MCMDC2: variants seen among roughly 807,000 people sequenced by gnomAD.
The protein encoded by MCMDC2 is minichromosome maintenance domain containing 2.
In MCMDC2, 54 loss-of-function variants were observed where a neutral mutation model predicts 75.8. The observed-to-expected ratio is 0.71, with a 90% CI of 0.57 to 0.89. MCMDC2 has a LOEUF of 0.89. MCMDC2 is among the 40% of genes least tolerant of loss of function. The probability of loss-of-function intolerance (pLI) is 0.00; values close to 1 mark genes in which losing one functional copy is unlikely to be tolerated. For synonymous variants in MCMDC2, 249 were observed against 274.6 expected, an observed-to-expected ratio of 0.91 and a Z score of 0.92; for missense variants, 656 against 780.4, an observed-to-expected ratio of 0.84 and a Z score of 1.90.
intron 4 of MCMDC2, among the ~76,000 whole-genome samples, chr8:66,874,975 C>G (rs767480872): frequency 6.6e-6 from 1 of 152,040 alleles, no homozygotes; most frequent in Non-Finnish European, 1.5e-5. Context: ...AGGCTGATCT[C>G]GAACTCCTGA....
chr8:66,895,170 A>T (rs1231318227), intron 10 of MCMDC2, among the ~76,000 whole-genome samples: 1 of 152,164 alleles, frequency 6.6e-6, no homozygotes, highest in African/African-American at 2.4e-5. Flanking sequence ...ATACAATGTA[A>T]ATGCTTTGCA....
intron 12 of MCMDC2, 126 bp from the exon 13 acceptor site, chr8:66,901,080 C>T (rs1032088001): frequency 3.0e-6 from 2 of 676,510 alleles, no homozygotes; most frequent in African/African-American, 3.6e-5. Flanking sequence ...TGGCCCCAGA[C>T]ATTTACTCTT....
chr8:66,889,865 GACAA>G (rs1812018926), intron 9 of MCMDC2, among the ~76,000 whole-genome samples: 1 of 150,522 alleles, frequency 6.6e-6, no homozygotes, highest in Non-Finnish European at 1.5e-5. Flanking sequence ...AGAAAACAAA[GACAA>G]ACAAAAAACC....
intron 14 of MCMDC2, among the ~76,000 whole-genome samples, chr8:66,908,180 T>C (rs1812977360): frequency 1.3e-5 from 2 of 152,244 alleles, no homozygotes; most frequent in East Asian, 3.8e-4. Flanking sequence ...CTAGGTTTTC[T>C]TCTAGGGTTT....
At chr8:66,876,693 C>T (rs1200587142) in intron 4 of MCMDC2, among the ~76,000 whole-genome samples, 2 of 152,080 alleles carry the variant, frequency 1.3e-5, no homozygotes, top group African/African-American at 4.8e-5. Flanking sequence ...ACTAGGCGTG[C>T]TTCTTTGCTA....
intron 13 of MCMDC2, 142 bp downstream of exon 13, chr8:66,901,490 C>G: frequency 7.2e-7 from 1 of 1,387,116 alleles, no homozygotes; most frequent in Non-Finnish European, 9.3e-7. Flanking sequence ...TCCAAAAGGA[C>G]TAAAGGCTTC....
intron 13 of MCMDC2, among the ~76,000 whole-genome samples, chr8:66,902,741 T>TATATATATATATATAC (rs1290006413): frequency 7.5e-6 from 1 of 133,112 alleles, no homozygotes; most frequent in African/African-American, 2.8e-5. Flanking sequence ...TATATATATA[T>TATATATATATATATAC]ACATATATCT....
chr8:66,880,927 C>A lies in MCMDC2; in HGVS notation c.788C>A (p.Thr263Asn). The A allele has an allele frequency of 6.4e-7, 1 of 1,571,656 alleles. No individual in the cohort carries two copies. The highest frequency in any genetic ancestry group is 8.6e-7 in the Non-Finnish European group (1 of 1,159,528). ...CCAACCTGTGTAAAAACCTCACAAA[C>A]TGCTGTCTGTATAGAAGCAAATAGC... ...GIPTCVKTSQ[T>N]AVCIEANSIT... is the part of the protein sequence containing the mutation. Residue 263 changes from threonine to asparagine, a missense_variant, in exon 8 of 15, where the codon ACT becomes AAT. Transcript: ENST00000422365.
At position 66,877,420 on chromosome 8, in the gene MCMDC2, A is replaced by G; in HGVS notation, c.357A>G (p.Pro119=). ...ATGGTCTTGATCTTTGTGAGTTTCC[A>G]CTTGATTATACATCTCAGAGATTTT... ...PSYGLDLCEF[P]LDYTSQRFYM... is the part of the protein sequence containing the mutation. The change falls in exon 5 of 15, where the codon CCA becomes CCG. Residue 119 remains proline (P), a synonymous_variant. Transcript: ENST00000422365. 1 of 1,613,274 alleles carries G rather than the reference A, an allele frequency of 6.2e-7. No individual in the cohort carries two copies. The highest frequency in any genetic ancestry group is 1.1e-5 in the South Asian group (1 of 90,902).
At chr8:66,903,519 G>A (rs1812790157) in intron 13 of MCMDC2, among the ~76,000 whole-genome samples, 1 of 152,084 alleles carries the variant, frequency 6.6e-6, no homozygotes, top group South Asian at 2.1e-4. Context: ...TTAAACTATG[G>A]TACTGCTACA....
chr8:66,874,005 TAA>T (rs780961951), intron 1 of MCMDC2, 46 bp from the exon 2 acceptor site: 88 of 580,704 alleles, frequency 1.5e-4, no homozygotes, highest in Non-Finnish European at 2.0e-4. Flanking sequence ...TAATAATTTG[TAA>T]AGTCTTATTA....
chr8:66,910,046 ACCTTGGTG>A (rs1174471807), intron 14 of MCMDC2, among the ~76,000 whole-genome samples: 1 of 152,258 alleles, frequency 6.6e-6, no homozygotes, highest in Non-Finnish European at 1.5e-5. Context: ...CAAGCCCCAA[ACCTTGGTG>A]GCTTACACGT....
In MCMDC2 at chr8:66,894,285, A is replaced by C. The variant is rs141965390; in HGVS notation, c.1280-1885A>C. On this transcript the variant is annotated intron_variant, in intron 10 of 14. Coordinates refer to ENST00000422365, the MANE Select transcript of MCMDC2 (RefSeq NM_173518.5). ...TAGGTGTACTTCTAATACAGAAAGA[A>C]GGCAAAGGCCTTTCAAGAAACACAA... 3.2e-3 allele frequency among the ~76,000 whole-genome samples: 488 copies of C among 152,374 alleles called. 3 individuals carry two copies. Among genetic ancestry groups the C allele is most frequent in the Admixed American group, 5.4e-3 (82 of 15,310 alleles).
chr8:66,880,156 A>G (rs538221313), intron 7 of MCMDC2, among the ~76,000 whole-genome samples: 103 of 152,352 alleles, frequency 6.8e-4, no homozygotes, highest in African/African-American at 2.4e-3. Context: ...TGTGAATTTC[A>G]GTTCTGCTTC....
chr8:66,878,628 G>A lies in MCMDC2; in HGVS notation c.536G>A (p.Arg179Lys). The A allele has an allele frequency of 6.4e-7, 1 of 1,570,452 alleles. No homozygotes were observed. The highest frequency in any genetic ancestry group is 1.2e-5 in the South Asian group (1 of 80,210). ...GGTGCTACAGAATCTGCAACGATAA[G>A]AAATGACTTTTTGTGTAATCTATGT... is the stretch of plus-strand genomic sequence containing the variant. ...VPGATESATI[R>K]NDFLCNLCAS... Residue 179 changes from arginine to lysine, a missense_variant, in exon 6 of 15, where the codon AGA (arginine) becomes AAA (lysine). Transcript: ENST00000422365.
intron 12 of MCMDC2, among the ~76,000 whole-genome samples, chr8:66,900,221 GA>G (rs1160447246): frequency 6.6e-6 from 1 of 152,064 alleles, no homozygotes; most frequent in Non-Finnish European, 1.5e-5. Context: ...CGGATCACCT[GA>G]GGTCAGGAGT....
intron 14 of MCMDC2, among the ~76,000 whole-genome samples, chr8:66,916,120 G>A (rs964743441): frequency 6.6e-6 from 1 of 152,048 alleles, no homozygotes. Flanking sequence ...TGCTGGAGAA[G>A]GATGTGTGGT....
chr8:66,922,870 T>C (rs1395734437), downstream of MCMDC2: 1 of 196,464 alleles, frequency 5.1e-6, no homozygotes. Flanking sequence ...AAACCACTTT[T>C]TAATAAAAAA....
chr8:66,893,000 T>C (rs979064183), intron 10 of MCMDC2, among the ~76,000 whole-genome samples: 1 of 152,226 alleles, frequency 6.6e-6, no homozygotes, highest in Non-Finnish European at 1.5e-5. Flanking sequence ...AAATCTATGT[T>C]CATGAGAGAT....
Sources: allele counts gnomAD v4.1 joint callset (sites outside exome capture counted in the v4.1 genomes callset), GRCh38; gene constraint gnomAD v4.1.1; transcripts MANE v1.5; gene names NCBI Gene and HGNC (gene_info 2026-07-23, HGNC 2026-07-21).